STARD4: variants seen among roughly 807,000 people sequenced by gnomAD.
STARD4 encodes the protein StAR related lipid transfer domain containing 4, also known as stAR-related lipid transfer protein 4.
A neutral mutation model predicts 24.9 loss-of-function variants in STARD4; 33 were observed. That is an observed-to-expected ratio of 1.32 (90% CI 1.00 to 1.77). STARD4 has a LOEUF of 1.77. Among genes scored for constraint, STARD4 ranks in the 40% most tolerant of loss-of-function variants. The pLI is 0.00. For missense variants in STARD4, 238 were observed against 249.3 expected (o/e 0.95, Z 0.31); for synonymous variants, 88 against 77.4 (o/e 1.14, Z -0.72).
Position 111,507,267 on chromosome 5 carries a change from G to T in STARD4, c.105+62C>A. On this transcript the variant is annotated intron_variant, in intron 2 of 5. Coordinates refer to ENST00000296632, the MANE Select transcript of STARD4 (RefSeq NM_139164.3). The surrounding 1 kb of genome is among the most constrained non-coding windows in gnomAD (Gnocchi z 4.4). ...CATATTGTTCCATTTAATTTTAAAAGTCATCAACCAATTCATTAGATAGAA... is the reference window on the plus strand; with the variant it reads ...CATATTGTTCCATTTAATTTTAAAATTCATCAACCAATTCATTAGATAGAA... 7.3e-7 allele frequency: 1 copy of T among 1,363,814 alleles called. No individual in the cohort carries two copies. The highest frequency in any genetic ancestry group is 1.0e-6 in the Non-Finnish European group (1 of 975,132). The allele number at this position is 1,363,814 out of a possible 1,614,324, so 84.5% of individuals were successfully genotyped here.
At chr5:111,501,736 G>A (rs1351499402) in intron 4 of STARD4, among the ~76,000 whole-genome samples, 1 of 152,142 alleles carries the variant, frequency 6.6e-6, no homozygotes, top group Non-Finnish European at 1.5e-5. Flanking sequence ...AAGGGTATAG[G>A]TACTGTGGAA....
At chr5:111,503,066 T>C (rs1159318381) in intron 3 of STARD4, among the ~76,000 whole-genome samples, 1 of 152,170 alleles carries the variant, frequency 6.6e-6, no homozygotes, top group Non-Finnish European at 1.5e-5. Flanking sequence ...GACATACTAG[T>C]ACATGAATAT....
intron 2 of STARD4, among the ~76,000 whole-genome samples, 191 bp from the exon 3 acceptor site, chr5:111,506,570 C>T (rs1192755175): frequency 3.3e-5 from 5 of 152,154 alleles, no homozygotes; most frequent in Non-Finnish European, 7.4e-5. Context: ...TAAAGTTCTT[C>T]ACATTGTACT....
intron 1 of STARD4, chr5:111,512,126 C>G (rs929475616): frequency 6.6e-6 from 1 of 152,304 alleles, no homozygotes; most frequent in Non-Finnish European, 1.5e-5. Context: ...AGGTGAGCGG[C>G]GCGCAGGGGC....
intron 3 of STARD4, among the ~76,000 whole-genome samples, chr5:111,504,411 A>G (rs1756692605): frequency 6.6e-6 from 1 of 152,210 alleles, no homozygotes; most frequent in African/African-American, 2.4e-5. Context: ...ACTAAATAAA[A>G]TATGTACATA....
At chr5:111,508,216 G>A (rs1383274880) in intron 1 of STARD4, among the ~76,000 whole-genome samples, 2 of 151,930 alleles carry the variant, frequency 1.3e-5, no homozygotes, top group East Asian at 3.9e-4. Flanking sequence ...ATCATTATCT[G>A]ACAATATAAT....
chr5:111,500,475 T>C, intron 5 of STARD4: 1 of 1,046,158 alleles, frequency 9.6e-7, no homozygotes, highest in Non-Finnish European at 1.1e-6. Context: ...TACTGGCTAG[T>C]TAAGAATAAA....
At chr5:111,502,329 C>T (rs916811572) in intron 3 of STARD4, among the ~76,000 whole-genome samples, 1 of 151,960 alleles carries the variant, frequency 6.6e-6, no homozygotes, top group African/African-American at 2.4e-5. Flanking sequence ...ATTAGCCAGG[C>T]ATGGTGGCAT....
At position 111,507,529 on chromosome 5, in the gene STARD4, A is replaced by C; in HGVS notation, c.-9-87T>G. 1 of 901,964 alleles carries C rather than the reference A, an allele frequency of 1.1e-6. No individual in the cohort carries two copies. Among genetic ancestry groups the C allele is most frequent in the Non-Finnish European group, 1.7e-6 (1 of 586,352 alleles). The allele number at this position is 901,964 out of a possible 1,614,324, so 55.9% of individuals were successfully genotyped here. On this transcript the variant is annotated intron_variant, in intron 1 of 5. Coordinates refer to ENST00000296632, the MANE Select transcript of STARD4 (RefSeq NM_139164.3). The surrounding 1 kb of genome is among the most constrained non-coding windows in gnomAD (Gnocchi z 4.4). ...GTCTCGAATCTGGTTTCACAATATA[A>C]TAACCTACCAGAGCTATAAAAGATA...
rs1756980339 is a variant in STARD4 at position 111,507,873 on chromosome 5, C to T, written c.-9-431G>A. ...GGGAATCTCTTGCCTCCCCTGGCTT[C>T]CCTCAATTTGTCACAGTATTCCTCA... On this transcript the variant is annotated intron_variant, in intron 1 of 5. Coordinates refer to ENST00000296632, the MANE Select transcript of STARD4 (RefSeq NM_139164.3). The surrounding 1 kb of genome is among the most constrained non-coding windows in gnomAD (Gnocchi z 4.4). Among the ~76,000 whole-genome samples, 1 of 152,190 alleles carries T rather than the reference C, an allele frequency of 6.6e-6. No individual in the cohort carries two copies.
intron 1 of STARD4, among the ~76,000 whole-genome samples, chr5:111,510,900 T>C (rs1254929746): frequency 2.6e-5 from 4 of 152,248 alleles, no homozygotes; most frequent in Non-Finnish European, 5.9e-5. Context: ...TTTGGACTTT[T>C]GTAGTACGAC....
chr5:111,500,485 AC>A (rs1756358490), intron 5 of STARD4: 15 of 1,042,152 alleles, frequency 1.4e-5, no homozygotes, highest in Admixed American at 5.2e-5. Context: ...TTAAGAATAA[AC>A]AAGTAGATGT....
chr5:111,506,306 G>A (rs1422838122), intron 3 of STARD4, 24 bp downstream of exon 3: 1 of 1,369,922 alleles, frequency 7.3e-7, no homozygotes, highest in African/African-American at 1.5e-5. Flanking sequence ...TAAGAGCTGT[G>A]TAAGTCTATA....
chr5:111,499,556 C>A lies in STARD4; in HGVS notation c.*330G>T. ...AAAATTAGCCATGCATAGTGGCGTG[C>A]ACCTGTATTCCCAGCTATTCAGGAG... On this transcript the variant is annotated 3_prime_UTR_variant, in exon 6 of 6. Transcript: ENST00000296632. The A allele has an allele frequency of 4.3e-6, 1 of 232,302 alleles. No homozygotes were observed. The highest frequency in any genetic ancestry group is 8.4e-6 in the Non-Finnish European group (1 of 118,938). 14.4% of individuals were successfully genotyped at this position (232,302 alleles called of 1,614,324 possible). A position where few individuals can be genotyped will look rare whatever the true frequency, so the allele number is the denominator to read the frequency against.
Position 111,506,372 on chromosome 5 carries a change from A to C in STARD4, c.113T>G (p.Val38Gly). Residue 38 changes from valine (V) to glycine (G), a missense_variant, in exon 3 of 6, where the codon GTA becomes GGA. Transcript: ENST00000296632. ...KWRVAKKTKD[V>G]TVWRKPSEEF... ...TTCTGAGGGTTTTCTCCAAACAGTT[A>C]CATCTTTCTAGAAAAATAAAAACAT... is the stretch of plus-strand genomic sequence containing the variant. 1 of 1,476,990 alleles carries C rather than the reference A, an allele frequency of 6.8e-7. No homozygotes were observed. Among genetic ancestry groups the C allele is most frequent in the Non-Finnish European group, 9.3e-7 (1 of 1,072,436 alleles). The allele number at this position is 1,476,990 out of a possible 1,614,324, so 91.5% of individuals were successfully genotyped here.
In STARD4 at chr5:111,500,065, G is replaced by A. The variant is rs369883048; in HGVS notation, c.439C>T (p.Arg147Ter). 48 of 1,613,626 alleles carry A rather than the reference G, an allele frequency of 3.0e-5. No individual in the cohort carries two copies. The South Asian group carries it at 4.3e-4, about 14-fold the overall frequency. Residue 147 changes from arginine (R) to a stop codon, truncating the protein, a stop_gained, in exon 6 of 6, where the codon CGA becomes TGA. Coordinates refer to ENST00000296632, the MANE Select transcript of STARD4 (RefSeq NM_139164.3). LOFTEE classifies it high-confidence loss of function. The stretch of plus-strand genomic sequence containing the variant: ...CAACCACAGGGATGGTTATATCCTC[G>A]AACAAATTCTGGTCTCTTTTCATCC... ...DWDEKRPEFV[R>*]GYNHPCGWFC...
At chr5:111,505,246 A>C (rs1038964757) in intron 3 of STARD4, among the ~76,000 whole-genome samples, 10 of 152,268 alleles carry the variant, frequency 6.6e-5, no homozygotes, top group African/African-American at 2.4e-4. Flanking sequence ...TTCAACCCTC[A>C]CTGGGAATTA....
In STARD4 at chr5:111,507,782, T is replaced by A. The variant is rs147917413; in HGVS notation, c.-9-340A>T. On this transcript the variant is annotated intron_variant, in intron 1 of 5. Coordinates refer to ENST00000296632, the MANE Select transcript of STARD4 (RefSeq NM_139164.3). The surrounding 1 kb of genome is among the most constrained non-coding windows in gnomAD (Gnocchi z 4.4). ...TTAACTCTCAAACATTTACCTCCAG[T>A]CCTCTTTGTTTCAATGAGCTCAAAA... 0.025 allele frequency among the ~76,000 whole-genome samples: 3,761 copies of A among 152,154 alleles called. 78 individuals are homozygous for A. Among genetic ancestry groups the A allele is most frequent in the Admixed American group, 0.065 (996 of 15,282 alleles).
chr5:111,505,195 C>T (rs1399198126), intron 3 of STARD4, among the ~76,000 whole-genome samples: 1 of 152,206 alleles, frequency 6.6e-6, no homozygotes, highest in Non-Finnish European at 1.5e-5. Flanking sequence ...GAAGTCTTTT[C>T]AGATCTCCAA....
Sources: allele counts gnomAD v4.1 joint callset (sites outside exome capture counted in the v4.1 genomes callset), GRCh38; gene constraint gnomAD v4.1.1; non-coding constraint Gnocchi (gnomAD v3.1); transcripts MANE v1.5; gene names NCBI Gene and HGNC (gene_info 2026-07-23, HGNC 2026-07-21).